Variants in ATRN observed in about 807,000 individuals in gnomAD.
ATRN encodes the protein attractin.
Under a neutral mutation model 178.7 loss-of-function variants are expected in ATRN, and 54 were observed. That is an observed-to-expected ratio of 0.30 (90% confidence interval 0.24 to 0.38). The LOEUF (loss-of-function observed/expected upper bound fraction) is 0.38, where lower values mean the gene tolerates loss of function less well. ATRN is among the 10% of genes least tolerant of loss of function. The pLI, the probability that ATRN is intolerant of heterozygous loss-of-function variation, is 1.00. For synonymous variants in ATRN, 636 were observed against 663.0 expected (o/e 0.96, Z 0.63); for missense variants, 1,443 against 1,815.1 (o/e 0.79, Z 3.73).
At chr20:3,592,448 T>C (rs1241080612) in intron 19 of ATRN, 10 of 983,926 alleles carry the variant, frequency 1.0e-5, no homozygotes, top group Non-Finnish European at 1.2e-5. Context: ...TCCCCATTTA[T>C]GTCAAATAGA....
At position 3,560,924 on chromosome 20, in the gene ATRN, G is replaced by A. The variant is rs1367962426; in HGVS notation, c.1447+19G>A. 1 of 1,610,508 alleles carries A rather than the reference G, an allele frequency of 6.2e-7. No homozygotes were observed. ...GATTTGGGTAGGTATATTTTTTCCA[G>A]TAGATGCCTTTTGAACATCAGATTT... is the stretch of plus-strand genomic sequence containing the variant. On this transcript the variant is annotated intron_variant, in intron 8 of 28. Coordinates refer to ENST00000262919, the MANE Select transcript of ATRN (RefSeq NM_139321.3).
chr20:3,553,026 T>C (rs1909987128), intron 6 of ATRN, among the ~76,000 whole-genome samples: 1 of 152,148 alleles, frequency 6.6e-6, no homozygotes, highest in Non-Finnish European at 1.5e-5. Flanking sequence ...GGGGAGGGGA[T>C]TGTACATGGT....
At chr20:3,594,777 C>T (rs2086500940) in intron 20 of ATRN, among the ~76,000 whole-genome samples, 1 of 152,214 alleles carries the variant, frequency 6.6e-6, no homozygotes. Flanking sequence ...AGCAGCAATT[C>T]CTTAATGGCT....
At chr20:3,555,150 C>T (rs1285647174) in intron 6 of ATRN, among the ~76,000 whole-genome samples, 2 of 151,802 alleles carry the variant, frequency 1.3e-5, no homozygotes, top group African/African-American at 4.8e-5. Context: ...TACAGGCGCC[C>T]GCCACCTCGC....
chr20:3,507,694 ATTTTTTTTTTT>A (rs55823401), intron 1 of ATRN, among the ~76,000 whole-genome samples: 4 of 114,708 alleles, frequency 3.5e-5, no homozygotes, highest in Non-Finnish European at 7.1e-5. Flanking sequence ...AGTTAAAAAT[ATTTTTTTTTTT>A]TTTTTTTTTT....
At chr20:3,576,460 T>A (rs2086210419) in intron 13 of ATRN, among the ~76,000 whole-genome samples, 1 of 152,156 alleles carries the variant, frequency 6.6e-6, no homozygotes. Flanking sequence ...GACTTTTTTT[T>A]TTGTCAGTCT....
At chr20:3,523,300 A>G (rs564858943) in intron 1 of ATRN, among the ~76,000 whole-genome samples, 6 of 151,978 alleles carry the variant, frequency 3.9e-5, no homozygotes, top group Admixed American at 2.0e-4. Context: ...TCGATCAAGC[A>G]GAAGAAAGCA....
At chr20:3,548,783 C>A (rs1034076270) in intron 5 of ATRN, among the ~76,000 whole-genome samples, 2 of 152,096 alleles carry the variant, frequency 1.3e-5, no homozygotes, top group African/African-American at 4.8e-5. Context: ...GGACCTTGAG[C>A]ATCTGTGGAT....
rs2086148463 is a variant in ATRN, at chr20:3,572,936, T to C, written c.2077T>C (p.Cys693Arg). ...ACAAGAAGAAAAGTTAAAATCAGAATGTTTTTCCAAAAGAAGTATGTTTTT... is the reference window on the plus strand; with the variant it reads ...ACAAGAAGAAAAGTTAAAATCAGAACGTTTTTCCAAAAGAAGTATGTTTTT... Reference protein sequence around the residue: ...DEQEEKLKSECFSKRTLDHDR... With the variant: ...DEQEEKLKSERFSKRTLDHDR... Residue 693 changes from cysteine (C) to arginine (R), a missense_variant, in exon 12 of 29, where the codon TGT becomes CGT. Cys to Arg is a radical substitution (Grantham distance 180). This residue lies in a region of ATRN where 862 missense variants were observed against 972.1 expected (regional missense o/e 0.89). Transcript: ENST00000262919. 3 of 1,613,754 alleles carry C rather than the reference T, an allele frequency of 1.9e-6. No homozygotes were observed. The highest frequency in any genetic ancestry group is 1.7e-5 in the Admixed American group (1 of 60,012).
At chr20:3,491,365 T>C (rs868192948) in intron 1 of ATRN, among the ~76,000 whole-genome samples, 5 of 152,358 alleles carry the variant, frequency 3.3e-5, no homozygotes, top group Middle Eastern at 3.4e-3. Flanking sequence ...TGGTTAATTC[T>C]CTGGCCTTGT....
At chr20:3,492,854 G>GC (rs1555807888) in intron 1 of ATRN, among the ~76,000 whole-genome samples, 50 of 132,462 alleles carry the variant, frequency 3.8e-4, no homozygotes, top group African/African-American at 1.4e-3. Context: ...GAGAGAGAGA[G>GC]GCGCGCGCGC....
At chr20:3,537,715 A>C (rs1031867155) in intron 2 of ATRN, among the ~76,000 whole-genome samples, 1 of 149,536 alleles carries the variant, frequency 6.7e-6, no homozygotes, top group African/African-American at 2.5e-5. Flanking sequence ...CCTATGTCCA[A>C]GTGTTCTCAT....
intron 15 of ATRN, among the ~76,000 whole-genome samples, chr20:3,579,288 C>G (rs1784049007): frequency 1.3e-5 from 2 of 152,036 alleles, no homozygotes. Context: ...GAGTTCAAGA[C>G]CAGCCTGACC....
intron 11 of ATRN, among the ~76,000 whole-genome samples, chr20:3,572,007 C>T (rs1170420225): frequency 1.3e-5 from 2 of 151,990 alleles, no homozygotes; most frequent in South Asian, 4.2e-4. Context: ...GAAATAGATT[C>T]AATTTTATTT....
intron 17 of ATRN, 76 bp downstream of exon 17, chr20:3,584,159 G>A: frequency 1.4e-6 from 2 of 1,449,506 alleles, no homozygotes; most frequent in Non-Finnish European, 1.9e-6. Context: ...AGGCTGTGCT[G>A]TCAGCCTCTG....
At chr20:3,521,265 C>G (rs2085291870) in intron 1 of ATRN, among the ~76,000 whole-genome samples, 1 of 151,878 alleles carries the variant, frequency 6.6e-6, no homozygotes, top group African/African-American at 2.4e-5. Flanking sequence ...CTTTGTACAT[C>G]AAACCTCGGC....
intron 25 of ATRN, chr20:3,629,218 C>T: frequency 1.0e-6 from 1 of 985,350 alleles, no homozygotes; most frequent in African/African-American, 1.7e-5. Flanking sequence ...ACAAAAAGTC[C>T]AGAGAAGACC....
chr20:3,593,956 C>T (rs2086488105), intron 19 of ATRN, among the ~76,000 whole-genome samples: 2 of 152,124 alleles, frequency 1.3e-5, no homozygotes, highest in South Asian at 4.1e-4. Flanking sequence ...GTGGCATGTC[C>T]TGAGGGCCCC....
intron 26 of ATRN, among the ~76,000 whole-genome samples, chr20:3,637,978 G>A (rs544672546): frequency 6.6e-6 from 1 of 152,280 alleles, no homozygotes; most frequent in East Asian, 1.9e-4. Flanking sequence ...GTTGTCCTGT[G>A]AATCCTTGGT....
Sources: gnomAD v4.1 joint callset for allele counts (sites outside exome capture counted in the v4.1 genomes callset) on GRCh38, gnomAD v4.1.1 for gene constraint, gnomAD v4.1.1 regional missense constraint, MANE v1.5 for transcripts, NCBI Gene and HGNC (gene_info 2026-07-23, HGNC 2026-07-21) for gene names.